Variants in PTPRT observed in about 807,000 individuals in gnomAD.
The protein encoded by PTPRT is receptor-type tyrosine-protein phosphatase T.
PTPRT carries 56 observed loss-of-function variants against 176.8 expected under a neutral mutation model. The ratio of observed to expected loss-of-function variants is 0.32; its 90% CI spans 0.26 to 0.40. The LOEUF (loss-of-function observed/expected upper bound fraction) is 0.40. Ranked by LOEUF, PTPRT falls within the 10% of genes least tolerant of loss-of-function variation. The pLI is 1.00. For synonymous variants in PTPRT, 783 were observed against 739.0 expected, an observed-to-expected ratio of 1.06 and a Z score of -0.96; for missense variants, 1,540 against 1,908.2, an observed-to-expected ratio of 0.81 and a Z score of 3.60.
chr20:42,098,747 CTA>C (rs1985552982), intron 26 of PTPRT, among the ~76,000 whole-genome samples, 195 bp from the exon 27 acceptor site: 2 of 152,246 alleles, frequency 1.3e-5, no homozygotes, highest in African/African-American at 4.8e-5. Flanking sequence ...CTCCTCCAAA[CTA>C]AGACATTTCA....
Position 42,654,906 on chromosome 20 carries a change from G to T in PTPRT, c.1153+22960C>A, listed in dbSNP as rs140366512. Among the ~76,000 whole-genome samples the T allele has an allele frequency of 4.6e-5, 7 of 152,312 alleles. No individual in the cohort carries two copies. In the East Asian group the frequency reaches 1.3e-3, roughly 29 times the overall value. Reference sequence around the variant, plus strand: ...ATATCACTACTACCCGCATTGAAGAGAAATTTATAGATTATATCTTATTGC... The same window carrying T: ...ATATCACTACTACCCGCATTGAAGATAAATTTATAGATTATATCTTATTGC... On this transcript the variant is annotated intron_variant, in intron 7 of 30. Coordinates refer to ENST00000373187, the MANE Select transcript of PTPRT (RefSeq NM_007050.6).
At chr20:42,381,121 T>C (rs897621374) in intron 9 of PTPRT, among the ~76,000 whole-genome samples, 22 of 152,128 alleles carry the variant, frequency 1.4e-4, no homozygotes, top group African/African-American at 5.3e-4. Flanking sequence ...GCCCCCATGA[T>C]CCAATCACCT....
chr20:42,500,212 A>G (rs1417025890), intron 7 of PTPRT, among the ~76,000 whole-genome samples: 1 of 152,076 alleles, frequency 6.6e-6, no homozygotes, highest in Non-Finnish European at 1.5e-5. Context: ...TATAAAGTAC[A>G]GAGAAGTACA....
chr20:42,863,256 G>T (rs918392780), intron 2 of PTPRT, among the ~76,000 whole-genome samples: 26 of 152,312 alleles, frequency 1.7e-4, no homozygotes, highest in African/African-American at 5.8e-4. Flanking sequence ...TTAAAATTTT[G>T]TAAATGTGAA....
At chr20:43,042,116 A>G (rs975143576) in intron 1 of PTPRT, among the ~76,000 whole-genome samples, 2 of 152,220 alleles carry the variant, frequency 1.3e-5, no homozygotes, top group African/African-American at 4.8e-5. Flanking sequence ...TAGATGGAAC[A>G]AGACATGTTA....
chr20:43,062,440 G>A (rs530517856), intron 1 of PTPRT, among the ~76,000 whole-genome samples: 60 of 152,250 alleles, frequency 3.9e-4, no homozygotes, highest in Middle Eastern at 3.4e-3. Flanking sequence ...TCAATAAATC[G>A]CAGCTTCTGT....
At chr20:42,511,185 A>G (rs1234260553) in intron 7 of PTPRT, among the ~76,000 whole-genome samples, 1 of 152,130 alleles carries the variant, frequency 6.6e-6, no homozygotes, top group Non-Finnish European at 1.5e-5. Flanking sequence ...TACCCTCTGA[A>G]CCTCAGACTT....
intron 2 of PTPRT, among the ~76,000 whole-genome samples, chr20:42,816,974 C>A (rs1005952700): frequency 9.9e-5 from 15 of 152,194 alleles, no homozygotes; most frequent in Non-Finnish European, 2.2e-4. Context: ...GGGAGATCAA[C>A]AATGTCTTCC....
chr20:42,750,580 G>A (rs2076756348), intron 6 of PTPRT, among the ~76,000 whole-genome samples: 1 of 152,138 alleles, frequency 6.6e-6, no homozygotes, highest in Non-Finnish European at 1.5e-5. Context: ...GTTTAAATCG[G>A]AACCTCTAAC....
intron 11 of PTPRT, among the ~76,000 whole-genome samples, chr20:42,345,414 C>CTATAGA (rs2058175034): frequency 7.0e-6 from 1 of 143,110 alleles, no homozygotes; most frequent in African/African-American, 2.6e-5. Context: ...AAACTAGTTA[C>CTATAGA]TATAGATATA....
chr20:42,448,301 G>A lies in PTPRT; in HGVS notation c.1479C>T (p.Ile493=), dbSNP rs1169871498. 2 of 1,613,158 alleles carry A rather than the reference G, an allele frequency of 1.2e-6. No individual in the cohort carries two copies. Among genetic ancestry groups the A allele is most frequent in the African/African-American group, 2.7e-5 (2 of 74,840 alleles). ...DVPGAVPLES[I]QGGPFEEKIY... ...TCTTCTCCTCAAAGGGCCCCCCTTG[G>A]ATGGATTCTAGAGGAACAGCTCCTG... is the stretch of plus-strand genomic sequence containing the variant. Residue 493 remains isoleucine, a synonymous_variant, in exon 9 of 31, where the codon ATC becomes ATT. Coordinates refer to ENST00000373187, the MANE Select transcript of PTPRT (RefSeq NM_007050.6).
intron 1 of PTPRT, among the ~76,000 whole-genome samples, chr20:42,887,327 T>C (rs2145874410): frequency 6.6e-6 from 1 of 152,240 alleles, no homozygotes; most frequent in South Asian, 2.1e-4. Flanking sequence ...CCTTCCACCA[T>C]GTGAGGACAC....
chr20:42,994,029 A>C (rs1441280944), intron 1 of PTPRT, among the ~76,000 whole-genome samples: 2 of 152,148 alleles, frequency 1.3e-5, no homozygotes, highest in African/African-American at 4.8e-5. Context: ...AAGTAACGGG[A>C]ATAGTAGAAA....
At chr20:42,088,965 T>C (rs1165449965) in intron 27 of PTPRT, among the ~76,000 whole-genome samples, 1 of 152,248 alleles carries the variant, frequency 6.6e-6, no homozygotes, top group African/African-American at 2.4e-5. Flanking sequence ...CTATGATATA[T>C]AAATTTGAAG....
intron 9 of PTPRT, among the ~76,000 whole-genome samples, chr20:42,404,548 C>A (rs900776177): frequency 2.0e-5 from 3 of 152,008 alleles, no homozygotes; most frequent in Non-Finnish European, 2.9e-5. Flanking sequence ...GGAAAGAGGC[C>A]AGATTCATCA....
At chr20:42,986,798 C>T (rs1365295227) in intron 1 of PTPRT, among the ~76,000 whole-genome samples, 1 of 152,152 alleles carries the variant, frequency 6.6e-6, no homozygotes, top group African/African-American at 2.4e-5. Flanking sequence ...AAGCAGCCTC[C>T]ACACCCGACT....
intron 6 of PTPRT, among the ~76,000 whole-genome samples, chr20:42,727,290 T>C (rs550371004): frequency 6.6e-6 from 1 of 152,334 alleles, no homozygotes; most frequent in Non-Finnish European, 1.5e-5. Flanking sequence ...GACCTGTTAC[T>C]TGACATCTTT....
chr20:43,122,897 A>C (rs2013319487), intron 1 of PTPRT, among the ~76,000 whole-genome samples: 1 of 152,182 alleles, frequency 6.6e-6, no homozygotes, highest in Non-Finnish European at 1.5e-5. Context: ...CTTGTTGCCC[A>C]GGCTGGAGTG....
At chr20:42,229,860 T>C (rs930341474) in intron 15 of PTPRT, among the ~76,000 whole-genome samples, 216 of 152,266 alleles carry the variant, frequency 1.4e-3, no homozygotes, top group African/African-American at 5.0e-3. Context: ...ATGTCATTTT[T>C]TTTTCTTTTC....
Sources: allele counts gnomAD v4.1 joint callset (sites outside exome capture counted in the v4.1 genomes callset), GRCh38; gene constraint gnomAD v4.1.1; transcripts MANE v1.5; gene names NCBI Gene and HGNC (gene_info 2026-07-23, HGNC 2026-07-21).